The following LRRCC1 variants were observed in gnomAD, a reference collection of about 807,000 sequenced individuals.
LRRCC1 encodes leucine rich repeat and coiled-coil centrosomal protein 1.
LRRCC1 carries 115 observed loss-of-function variants against 126.0 expected under a neutral mutation model. The ratio of observed to expected loss-of-function variants is 0.91; its 90% confidence interval spans 0.78 to 1.07. The LOEUF (loss-of-function observed/expected upper bound fraction) is 1.07, where lower values mean the gene tolerates loss of function less well. LRRCC1 is among the 50% of genes least tolerant of loss of function. The pLI is 0.00. For missense variants in LRRCC1, 1,172 were observed against 1,175.7 expected (o/e 1.00, Z 0.05); for synonymous variants, 400 against 393.4 (o/e 1.02, Z -0.20).
chr8:85,145,351 T>G, intron 18 of LRRCC1, 38 bp from the exon 19 acceptor site: 1 of 1,379,748 alleles, frequency 7.2e-7, no homozygotes, highest in Non-Finnish European at 9.6e-7. Flanking sequence ...TACATTTTCT[T>G]TAAGAAATTA....
chr8:85,134,958 T>A lies in LRRCC1; in HGVS notation c.2080T>A (p.Cys694Ser). 6.3e-7 allele frequency: 1 copy of A among 1,578,592 alleles called. No homozygotes were observed. Among genetic ancestry groups the A allele is most frequent in the Non-Finnish European group, 8.5e-7 (1 of 1,171,296 alleles). ...TTCCTCTTTAATTAAAGATCTGACC[T>A]GTATGGTAAAGGAACAAAAAACAAA... Reference protein sequence around the residue: ...ESSSLIKDLTCMVKEQKTKLA... With the variant: ...ESSSLIKDLTSMVKEQKTKLA... The change falls in exon 13 of 19, where the codon TGT becomes AGT. Residue 694 changes from cysteine to serine, a missense_variant. Coordinates refer to ENST00000360375, the MANE Select transcript of LRRCC1 (RefSeq NM_033402.5).
intron 17 of LRRCC1, 92 bp from the exon 18 acceptor site, chr8:85,141,290 G>A: frequency 1.0e-6 from 1 of 983,498 alleles, no homozygotes; most frequent in South Asian, 1.7e-5. Context: ...CCATTAGTAT[G>A]AATGTGAGCC....
Position 85,126,835 on chromosome 8 carries a change from T to G in LRRCC1, c.1419T>G (p.Asp473Glu), listed in dbSNP as rs748849785. The G allele has an allele frequency of 6.2e-7, 1 of 1,605,200 alleles. No individual in the cohort carries two copies. Among genetic ancestry groups the G allele is most frequent in the Non-Finnish European group, 8.5e-7 (1 of 1,177,300 alleles). The change falls in exon 9 of 19, where the codon GAT becomes GAG. Residue 473 changes from aspartate to glutamate, a missense_variant and splice_region_variant. Transcript: ENST00000360375. ...ATAGTCTGGCTCTACTTACCACAGA[T>G]AGGTAAAAAGAAATTAATAAACCTG... is the stretch of plus-strand genomic sequence containing the variant. Reference protein sequence around the residue: ...DIHSLALLTTDRLKEIIFRER... With the variant: ...DIHSLALLTTERLKEIIFRER...
At position 85,107,352 on chromosome 8, in the gene LRRCC1, C is replaced by T. The variant is rs1808312812; in HGVS notation, c.57C>T (p.Gly19=). 1 of 1,613,720 alleles carries T rather than the reference C, an allele frequency of 6.2e-7. No individual in the cohort carries two copies. Among genetic ancestry groups the T allele is most frequent in the Non-Finnish European group, 8.5e-7 (1 of 1,179,754 alleles). Residue 19 remains glycine (G), a synonymous_variant, in exon 1 of 19, where the codon GGC becomes GGT. Coordinates refer to ENST00000360375, the MANE Select transcript of LRRCC1 (RefSeq NM_033402.5). The part of the protein sequence containing the change: ...AAEAEVENED[G]DSSCGDVCFM... ...AGGCGGAAGTGGAAAACGAAGACGG[C>T]GACAGCAGCTGCGGGGATGTATGCT...
At position 85,145,117 on chromosome 8, in the gene LRRCC1, G is replaced by GTGTATATA. The variant is rs1554679351; in HGVS notation, c.2977-271_2977-270insGTATATAT. Among the ~76,000 whole-genome samples, 272 of 143,366 alleles carry GTGTATATA rather than the reference G, an allele frequency of 1.9e-3. 2 individuals are homozygous for GTGTATATA. Among genetic ancestry groups the GTGTATATA allele is most frequent in the Middle Eastern group, 3.6e-3 (1 of 274 alleles). The allele number at this position is 143,366 out of a possible 152,430, so 94.1% of individuals were successfully genotyped here. ...AATAAATGCATATAAATATATGTGTGTATATATATATATATATAGCCATGT... is the reference window on the plus strand; with the variant it reads ...AATAAATGCATATAAATATATGTGTGTGTATATATATATATATATATATATAGCCATGT... On this transcript the variant is annotated intron_variant, in intron 18 of 18. Coordinates refer to ENST00000360375, the MANE Select transcript of LRRCC1 (RefSeq NM_033402.5).
At chr8:85,145,072 T>C (rs1208428450) in intron 18 of LRRCC1, among the ~76,000 whole-genome samples, 1 of 146,680 alleles carries the variant, frequency 6.8e-6, no homozygotes, top group East Asian at 2.0e-4. Flanking sequence ...AGAGCAAGAC[T>C]CCATCTCAAA....
intron 8 of LRRCC1, among the ~76,000 whole-genome samples, chr8:85,126,451 G>A (rs980725931): frequency 2.6e-5 from 4 of 152,148 alleles, no homozygotes; most frequent in South Asian, 2.1e-4. Flanking sequence ...CCATCTACTC[G>A]GAAAGCTGAG....
chr8:85,135,106 G>A, intron 13 of LRRCC1, 74 bp downstream of exon 13: 1 of 1,116,252 alleles, frequency 9.0e-7, no homozygotes, highest in Admixed American at 2.9e-5. Context: ...ATAAATTTAG[G>A]AAGTACACGA....
At chr8:85,132,395 T>G (rs1810547484) in intron 12 of LRRCC1, among the ~76,000 whole-genome samples, 1 of 124,106 alleles carries the variant, frequency 8.1e-6, no homozygotes, top group Non-Finnish European at 1.8e-5. Context: ...TTTTTTTTTT[T>G]TTTTTTTTGT....
At position 85,126,026 on chromosome 8, in the gene LRRCC1, C is replaced by T. The variant is rs147674176; in HGVS notation, c.1273-663C>T. Reference sequence around the variant, plus strand: ...AATCAATCTTTTCTGATTCAACCCCCGCCCCAAGTTTGTTCGAGATTAGAT... The same window carrying T: ...AATCAATCTTTTCTGATTCAACCCCTGCCCCAAGTTTGTTCGAGATTAGAT... On this transcript the variant is annotated intron_variant, in intron 8 of 18. Coordinates refer to ENST00000360375, the MANE Select transcript of LRRCC1 (RefSeq NM_033402.5). Among the ~76,000 whole-genome samples, 11 of 152,200 alleles carry T rather than the reference C, an allele frequency of 7.2e-5. No homozygotes were observed. The East Asian group carries it at 7.7e-4, about 11-fold the overall frequency.
chr8:85,127,386 A>G (rs1232187598), intron 9 of LRRCC1, among the ~76,000 whole-genome samples: 4 of 152,174 alleles, frequency 2.6e-5, no homozygotes, highest in South Asian at 2.1e-4. Flanking sequence ...TTAAATTACA[A>G]TAACTTTTTT....
intron 18 of LRRCC1, among the ~76,000 whole-genome samples, chr8:85,144,469 TA>T (rs1463029715): frequency 0.15 from 2,993 of 19,332 alleles, 52 homozygotes; most frequent in Non-Finnish European, 0.22. Context: ...TATATATATA[TA>T]TATATTTTTT....
chr8:85,124,118 A>G (rs933805229), intron 7 of LRRCC1, among the ~76,000 whole-genome samples: 4 of 152,160 alleles, frequency 2.6e-5, no homozygotes, highest in Non-Finnish European at 4.4e-5. Flanking sequence ...GTTTAATGCC[A>G]TAAGGACAAG....
In LRRCC1 at chr8:85,141,445, T is replaced by G. The variant is rs761962803; in HGVS notation, c.2904T>G (p.Val968=). 26 of 1,613,148 alleles carry G rather than the reference T, an allele frequency of 1.6e-5. No homozygotes were observed. The highest frequency in any genetic ancestry group is 2.0e-5 in the Non-Finnish European group (24 of 1,179,362). ...DAFKRQVDAI[V]EAHQAEIAQL... is the part of the protein sequence containing the mutation. ...TTAAAAGACAAGTTGATGCAATTGT[T>G]GAAGCTCATCAAGCTGAAATAGCAC... The change falls in exon 18 of 19, where the codon GTT becomes GTG. Residue 968 remains valine, a synonymous_variant. Transcript: ENST00000360375.
chr8:85,145,301 A>G, intron 18 of LRRCC1, 88 bp from the exon 19 acceptor site: 1 of 1,030,166 alleles, frequency 9.7e-7, no homozygotes, highest in Non-Finnish European at 1.4e-6. Context: ...ATGTGTAAGA[A>G]TAAATTTTGG....
intron 6 of LRRCC1, among the ~76,000 whole-genome samples, chr8:85,117,639 T>A (rs1166602225): frequency 6.6e-6 from 1 of 152,182 alleles, no homozygotes; most frequent in African/African-American, 2.4e-5. Flanking sequence ...TGTGAAAAGC[T>A]GTTTTGCCTT....
chr8:85,119,192 T>G (rs1013245969), intron 6 of LRRCC1, among the ~76,000 whole-genome samples: 1 of 152,080 alleles, frequency 6.6e-6, no homozygotes, highest in Admixed American at 6.5e-5. Flanking sequence ...TAAGCTGTAT[T>G]TTTCAGTTAA....
rs200867040 is a variant in LRRCC1 at position 85,138,158 on chromosome 8, G to A, written c.2617G>A (p.Glu873Lys). Residue 873 changes from glutamate (E) to lysine (K), a missense_variant, in exon 16 of 19, where the codon GAA becomes AAA. Glu to Lys is a moderately conservative substitution (Grantham distance 56, BLOSUM62 1). Transcript: ENST00000360375. ...ACTGGATGAGGTACTTGAGAAGTTGGAAAGGCACAATGAAAGAAAAGAAAA... is the reference window on the plus strand; with the variant it reads ...ACTGGATGAGGTACTTGAGAAGTTGAAAAGGCACAATGAAAGAAAAGAAAA... ...SQLDEVLEKL[E>K]RHNERKEKLK... 3.2e-5 allele frequency: 51 copies of A among 1,611,722 alleles called. No individual in the cohort carries two copies. The Admixed American group carries it at 4.9e-4, about 15-fold the overall frequency.
chr8:85,126,155 A>T (rs886274956), intron 8 of LRRCC1, among the ~76,000 whole-genome samples: 2 of 152,144 alleles, frequency 1.3e-5, no homozygotes, highest in African/African-American at 2.4e-5. Flanking sequence ...TACTATTTCA[A>T]AAAAGGAATC....
Sources: allele counts gnomAD v4.1 joint callset (sites outside exome capture counted in the v4.1 genomes callset), GRCh38; gene constraint gnomAD v4.1.1; transcripts MANE v1.5; gene names NCBI Gene and HGNC (gene_info 2026-07-23, HGNC 2026-07-21).